The following SLC1A6 variants were observed in gnomAD, a reference collection of about 807,000 sequenced individuals.
SLC1A6 encodes excitatory amino acid transporter 4.
In SLC1A6, 15 loss-of-function variants were observed where a neutral mutation model predicts 42.1. The ratio of observed to expected loss-of-function variants is 0.36; its 90% CI spans 0.24 to 0.55. The LOEUF (loss-of-function observed/expected upper bound fraction) is 0.55, where lower values mean the gene tolerates loss of function less well. SLC1A6 is among the 20% of genes least tolerant of loss of function. The pLI is 0.88. For missense variants in SLC1A6, 542 were observed against 772.5 expected, an observed-to-expected ratio of 0.70 and a Z score of 3.54; for synonymous variants, 317 against 319.7, an observed-to-expected ratio of 0.99 and a Z score of 0.09.
At chr19:14,994,090 C>T (rs992741159) in intron 1 of SLC1A6, among the ~76,000 whole-genome samples, 3 of 152,126 alleles carry the variant, frequency 2.0e-5, no homozygotes, top group Non-Finnish European at 2.9e-5. Context: ...GGGCTCCACA[C>T]GAAATGATGC....
chr19:14,955,350 C>T (rs1017528026), intron 7 of SLC1A6, among the ~76,000 whole-genome samples: 2 of 151,934 alleles, frequency 1.3e-5, no homozygotes, highest in Non-Finnish European at 1.5e-5. Context: ...GAGAGCGAGA[C>T]GGGCAGATCA....
In SLC1A6 at chr19:14,956,616, G is replaced by T. The variant is rs369025458; in HGVS notation, c.1029C>A (p.Thr343=). The T allele has an allele frequency of 1.9e-6, 3 of 1,613,702 alleles. No individual in the cohort carries two copies. The highest frequency in any genetic ancestry group is 2.7e-5 in the African/African-American group (2 of 74,826). The stretch of plus-strand genomic sequence containing the variant: ...GGAACAGGCCCACGATGACGGTCAG[G>T]GTGTACATGCCCAGCTGACCCCCCA... ...AVLGGQLGMY[T]LTVIVGLFLH... Residue 343 remains threonine, a synonymous_variant, in exon 7 of 10, where the codon ACC becomes ACA. Coordinates refer to ENST00000594383, the MANE Select transcript of SLC1A6 (RefSeq NM_005071.3).
chr19:14,988,151 T>A (rs1226927846), intron 1 of SLC1A6, among the ~76,000 whole-genome samples: 1 of 152,160 alleles, frequency 6.6e-6, no homozygotes, highest in African/African-American at 2.4e-5. Context: ...AGCTTCCCTA[T>A]CTTAGTGCAC....
rs140761767 is a variant in SLC1A6, at chr19:15,010,058, C to T, written c.6+427G>A. 4.8e-3 allele frequency among the ~76,000 whole-genome samples: 725 copies of T among 151,344 alleles called. 10 individuals are homozygous for T. Among genetic ancestry groups the T allele is most frequent in the African/African-American group, 0.017 (701 of 41,242 alleles). ...AAAATTAGCTGGGCATGGTGGTGGG[C>T]GCCTGTAAGCCCAGCTACTCAGGAG... On this transcript the variant is annotated intron_variant, in intron 1 of 8. Coordinates refer to the SLC1A6 transcript ENST00000430939.
Position 14,979,099 on chromosome 19 carries a change from A to ACACACACAC in SLC1A6, c.-8+209_-8+210insGTGTGTGTG, listed in dbSNP as rs2045745029. Among the ~76,000 whole-genome samples, 1 of 92,894 alleles carries ACACACACAC rather than the reference A, an allele frequency of 1.1e-5. No homozygotes were observed. Among genetic ancestry groups the ACACACACAC allele is most frequent in the Non-Finnish European group, 2.6e-5 (1 of 38,366 alleles). The allele number at this position is 92,894 out of a possible 152,430, so 60.9% of individuals were successfully genotyped here. A position where few individuals can be genotyped will look rare whatever the true frequency, so the allele number is the denominator to read the frequency against. On this transcript the variant is annotated intron_variant, in intron 1 of 9. Transcript: ENST00000594383. The surrounding 1 kb of genome is among the most constrained non-coding windows in gnomAD (Gnocchi z 4.2). Reference sequence around the variant, plus strand: ...ACACACACACACACACACACACACTAATGCCCAGACCCTCTGCAGCCTCAG... The same window carrying ACACACACAC: ...ACACACACACACACACACACACACTACACACACACATGCCCAGACCCTCTGCAGCCTCAG...
chr19:14,953,919 G>C (rs151269667), intron 8 of SLC1A6, among the ~76,000 whole-genome samples: 2 of 152,342 alleles, frequency 1.3e-5, no homozygotes, highest in Non-Finnish European at 2.9e-5. Context: ...GAGGGAAACT[G>C]ACAGGAACGT....
rs566729986 is a variant in SLC1A6, at chr19:14,975,679, G to T, written c.-7-2762C>A. On this transcript the variant is annotated intron_variant, in intron 1 of 9. Transcript: ENST00000594383. Reference sequence around the variant, plus strand: ...AGGCAGGAGAATCGCTTTGAACCCAGGAGGCAGAGGTTGCAGTGAGCCAAG... The same window carrying T: ...AGGCAGGAGAATCGCTTTGAACCCATGAGGCAGAGGTTGCAGTGAGCCAAG... Among the ~76,000 whole-genome samples the T allele has an allele frequency of 1.5e-3, 228 of 151,152 alleles. 1 individual carries two copies. Among genetic ancestry groups the T allele is most frequent in the Non-Finnish European group, 3.2e-4 (22 of 67,870 alleles).
intron 1 of SLC1A6, among the ~76,000 whole-genome samples, chr19:15,003,668 AAAAAAAG>A (rs1386353964): frequency 6.9e-6 from 1 of 145,834 alleles, no homozygotes; most frequent in Non-Finnish European, 1.5e-5. Context: ...GCCAAAAAAA[AAAAAAAG>A]AAAGAAAAGA....
intron 1 of SLC1A6, among the ~76,000 whole-genome samples, chr19:14,995,220 G>T (rs1026504411): frequency 1.1e-4 from 16 of 148,600 alleles, no homozygotes; most frequent in Non-Finnish European, 1.8e-4. Flanking sequence ...AGCTACTTGG[G>T]AGGCTGAGGT....
intron 9 of SLC1A6, 132 bp downstream of exon 9, chr19:14,952,796 C>T: frequency 8.5e-7 from 1 of 1,171,926 alleles, no homozygotes; most frequent in Non-Finnish European, 1.2e-6. Context: ...CTCTCCAAGG[C>T]CTCCTTTTCA....
intron 1 of SLC1A6, among the ~76,000 whole-genome samples, chr19:14,996,535 T>TTCTTCTTCTTCC (rs2045847419): frequency 8.8e-6 from 1 of 114,248 alleles, no homozygotes; most frequent in African/African-American, 3.0e-5. Flanking sequence ...CTCTTTCTTC[T>TTCTTCTTCTTCC]TCTTCTTCTT....
chr19:14,952,582 G>A (rs938961496), intron 9 of SLC1A6, among the ~76,000 whole-genome samples: 6 of 151,794 alleles, frequency 4.0e-5, no homozygotes, highest in East Asian at 2.0e-4. Context: ...GTGCCACCAC[G>A]CCCAGCTAAT....
intron 1 of SLC1A6, among the ~76,000 whole-genome samples, chr19:15,008,496 T>C (rs990403897): frequency 6.6e-6 from 1 of 152,148 alleles, no homozygotes; most frequent in Admixed American, 6.5e-5. Flanking sequence ...GGGAAACAGA[T>C]GGCAATTTCT....
At chr19:15,003,188 G>A (rs1045014514) in intron 1 of SLC1A6, among the ~76,000 whole-genome samples, 5 of 152,070 alleles carry the variant, frequency 3.3e-5, no homozygotes, top group Non-Finnish European at 5.9e-5. Flanking sequence ...ATGTTGGCCA[G>A]GCTGGTCTCG....
chr19:14,963,534 A>G (rs1599994642), intron 5 of SLC1A6, among the ~76,000 whole-genome samples: 1 of 152,256 alleles, frequency 6.6e-6, no homozygotes, highest in East Asian at 1.9e-4. Flanking sequence ...CAATGCAGAC[A>G]TATTTCAAAA....
intron 7 of SLC1A6, among the ~76,000 whole-genome samples, chr19:14,955,143 A>C (rs1363190038): frequency 6.6e-6 from 1 of 152,154 alleles, no homozygotes; most frequent in East Asian, 1.9e-4. Context: ...ATACGGTTGG[A>C]ATCCTGGACT....
At chr19:14,951,273 A>AAAAAAG (rs2045410543) in intron 9 of SLC1A6, among the ~76,000 whole-genome samples, 3 of 99,794 alleles carry the variant, frequency 3.0e-5, no homozygotes, top group Non-Finnish European at 3.9e-5. Context: ...AAAAAAAAAA[A>AAAAAAG]AAAAAGAAAG....
chr19:14,990,789 A>AACAAAAC (rs57908473), intron 1 of SLC1A6, among the ~76,000 whole-genome samples: 1 of 109,642 alleles, frequency 9.1e-6, no homozygotes. Flanking sequence ...AACAAAACAA[A>AACAAAAC]AAAAAAAAAA....
At chr19:14,950,455 C>CAGCAGA in intron 9 of SLC1A6, 65 bp from the exon 10 acceptor site, 1 of 1,294,606 alleles carries the variant, frequency 7.7e-7, no homozygotes, top group Non-Finnish European at 1.1e-6. Context: ...AAAGAGGGTG[C>CAGCAGA]AGCAGAGGGG....
Sources: gnomAD v4.1 joint callset for allele counts (sites outside exome capture counted in the v4.1 genomes callset) on GRCh38, gnomAD v4.1.1 for gene constraint, Gnocchi (gnomAD v3.1) non-coding constraint, MANE v1.5 for transcripts, NCBI Gene and HGNC (gene_info 2026-07-23, HGNC 2026-07-21) for gene names.